SPTBN5: variants seen among roughly 807,000 people sequenced by gnomAD.
SPTBN5 encodes spectrin beta, non-erythrocytic 5.
SPTBN5 carries 513 observed loss-of-function variants against 477.6 expected under a neutral mutation model. That is an observed-to-expected ratio of 1.07 (90% confidence interval 1.00 to 1.16). The LOEUF (loss-of-function observed/expected upper bound fraction) is 1.16. Ranked by LOEUF, SPTBN5 falls within the 50% of genes most tolerant of loss-of-function variation. SPTBN5 has a pLI of 0.00. For missense variants in SPTBN5, 5,062 were observed against 4,731.8 expected, an observed-to-expected ratio of 1.07 and a Z score of -2.05; for synonymous variants, 2,169 against 2,011.7, an observed-to-expected ratio of 1.08 and a Z score of -2.09.
chr15:41,853,503 G>A (rs1433528358), intron 58 of SPTBN5, 56 bp from the exon 59 acceptor site: 29 of 1,538,612 alleles, frequency 1.9e-5, no homozygotes, highest in African/African-American at 2.7e-5. Context: ...AGGGGAGGGA[G>A]GGTCCAGCTC....
Position 41,855,209 on chromosome 15 carries a change from T to C in SPTBN5, c.9423+15A>G. 1 of 1,601,420 alleles carries C rather than the reference T, an allele frequency of 6.2e-7. No individual in the cohort carries two copies. Among genetic ancestry groups the C allele is most frequent in the Non-Finnish European group, 8.5e-7 (1 of 1,171,414 alleles). On this transcript the variant is annotated intron_variant, in intron 55 of 67. Coordinates refer to ENST00000320955, the MANE Select transcript of SPTBN5 (RefSeq NM_016642.4). ...TCTGCCCACTCCCCGTGAGGTTTGC[T>C]CAGGAGTAACTCACCTTGACACCCT...
rs1005795694 is a variant in SPTBN5 at position 41,862,770 on chromosome 15, C to A, written c.7263+20G>T. Reference sequence around the variant, plus strand: ...TACTCAGGAGATGCCCTGGGCCCAGCTCTACAGCCAGCTACGCACCTCCAC... The same window carrying A: ...TACTCAGGAGATGCCCTGGGCCCAGATCTACAGCCAGCTACGCACCTCCAC... On this transcript the variant is annotated intron_variant, in intron 42 of 67. Transcript: ENST00000320955. The A allele has an allele frequency of 3.2e-6, 5 of 1,554,392 alleles. No homozygotes were observed. Among genetic ancestry groups the A allele is most frequent in the Admixed American group, 1.9e-5 (1 of 51,838 alleles).
Position 41,871,458 on chromosome 15 carries a change from GGCCACCCGCTGGCT to G in SPTBN5, c.5350_5363del (p.Ser1784ArgfsTer166). 1 of 1,538,450 alleles carries G rather than the reference GGCCACCCGCTGGCT, an allele frequency of 6.5e-7. No individual in the cohort carries two copies. Among genetic ancestry groups the G allele is most frequent in the Non-Finnish European group, 8.8e-7 (1 of 1,140,824 alleles). On this transcript the variant is annotated frameshift_variant, in exon 29 of 68. Coordinates refer to ENST00000320955, the MANE Select transcript of SPTBN5 (RefSeq NM_016642.4). LOFTEE classifies it high-confidence loss of function. ...GGCTCTCCGCCAGCAGCCGGCAGGC[GGCCACCCGCTGGCT>G]GCCCATCTCCACTTGGTGCTGAAAC...
At chr15:41,885,185 G>A (rs1167410666) in intron 7 of SPTBN5, among the ~76,000 whole-genome samples, 2 of 152,106 alleles carry the variant, frequency 1.3e-5, no homozygotes, top group African/African-American at 4.8e-5. Flanking sequence ...CACCACGCCT[G>A]GCTAATTTTT....
At chr15:41,874,745 G>C in intron 23 of SPTBN5, 97 bp downstream of exon 23, 2 of 1,230,822 alleles carry the variant, frequency 1.6e-6, no homozygotes, top group East Asian at 2.5e-5. Flanking sequence ...TCATAAGGGA[G>C]GAGGTCTGGA....
At chr15:41,861,171 A>G (rs1319492654) in intron 46 of SPTBN5, among the ~76,000 whole-genome samples, 1 of 152,236 alleles carries the variant, frequency 6.6e-6, no homozygotes, top group African/African-American at 2.4e-5. Flanking sequence ...GGTGGCAAGA[A>G]TGGGTCAGGC....
intron 3 of SPTBN5, 23 bp from the exon 4 acceptor site, chr15:41,890,228 T>C (rs2067268927): frequency 1.9e-6 from 3 of 1,563,558 alleles, no homozygotes; most frequent in South Asian, 2.3e-5. Flanking sequence ...TTGGATGGGC[T>C]AAGCCATGAA....
rs2140912731 is a variant in SPTBN5 at position 41,853,381 on chromosome 15, A to G, written c.10047T>C (p.Ala3349=). The G allele has an allele frequency of 1.9e-6, 3 of 1,607,760 alleles. No homozygotes were observed. The East Asian group carries it at 6.7e-5, about 36-fold the overall frequency. ...SEELAEDVAG[A]EQLLGQHEEL... ...CTTCATGCTGCCCAAGGAGCTGCTC[A>G]GCCCCCGCCACGTCCTCAGCCAGCT... The change falls in exon 59 of 68, where the codon GCT becomes GCC. Residue 3349 remains alanine (A), a synonymous_variant. Transcript: ENST00000320955.
chr15:41,861,217 G>A (rs555283896), intron 46 of SPTBN5, among the ~76,000 whole-genome samples: 13 of 152,232 alleles, frequency 8.5e-5, no homozygotes, highest in Admixed American at 2.0e-4. Flanking sequence ...TGGTGTTCGC[G>A]GTGGGGCCTG....
At chr15:41,853,199 C>G in intron 59 of SPTBN5, 59 bp downstream of exon 59, 1 of 1,538,674 alleles carries the variant, frequency 6.5e-7, no homozygotes, top group Non-Finnish European at 8.8e-7. Context: ...GGCCCTGAGG[C>G]CCTGGGCAAT....
Position 41,860,660 on chromosome 15 carries a change from C to A in SPTBN5, c.7914G>T (p.Thr2638=), listed in dbSNP as rs750793938. 6 of 1,565,646 alleles carry A rather than the reference C, an allele frequency of 3.8e-6. No homozygotes were observed. Among genetic ancestry groups the A allele is most frequent in the Non-Finnish European group, 5.2e-6 (6 of 1,155,902 alleles). Residue 2638 remains threonine (T), a synonymous_variant, in exon 47 of 68, where the codon ACG becomes ACT. Coordinates refer to ENST00000320955, the MANE Select transcript of SPTBN5 (RefSeq NM_016642.4). Reference sequence around the variant, plus strand: ...GCCCACCCTGGTGCAGGCCGCGGGCCGTGGCCTCCAGAGCACTGATCTTTC... The same window carrying A: ...GCCCACCCTGGTGCAGGCCGCGGGCAGTGGCCTCCAGAGCACTGATCTTTC... ...QAGKISALEA[T]ARGLHQGGHP... is the part of the protein sequence containing the mutation.
rs747439250 is a variant in SPTBN5 at position 41,854,128 on chromosome 15, C to T, written c.9696G>A (p.Thr3232=). 28 of 1,591,340 alleles carry T rather than the reference C, an allele frequency of 1.8e-5. No individual in the cohort carries two copies. Among genetic ancestry groups the T allele is most frequent in the East Asian group, 6.9e-5 (3 of 43,666 alleles). Residue 3232 remains threonine (T), a synonymous_variant, in exon 57 of 68, where the codon ACG becomes ACA. Transcript: ENST00000320955. ...AELQGRMQEK[T]ALMKGEDGGH... ...CTCCGTCCTCCCCCTTCATCAGGGC[C>T]GTCTTCTCCTGCATCCTTCCCTGGA...
At position 41,893,045 on chromosome 15, in the gene SPTBN5, C is replaced by A. The variant is rs541485719; in HGVS notation, c.233G>T (p.Arg78Leu). Reference sequence around the variant, plus strand: ...GTCAGCCAGCTCTGTGTACAGGTTCCGGATCTTGATGCCCGCCTGGGGAGG... The same window carrying A: ...GTCAGCCAGCTCTGTGTACAGGTTCAGGATCTTGATGCCCGCCTGGGGAGG... Reference protein sequence around the residue: ...FQCGQAGIKIRNLYTELADGI... With the variant: ...FQCGQAGIKILNLYTELADGI... Residue 78 changes from arginine (R) to leucine (L), a missense_variant, in exon 3 of 68, where the codon CGG (arginine) becomes CTG (leucine). Coordinates refer to ENST00000320955, the MANE Select transcript of SPTBN5 (RefSeq NM_016642.4). 5 of 1,611,352 alleles carry A rather than the reference C, an allele frequency of 3.1e-6. No homozygotes were observed. Among genetic ancestry groups the A allele is most frequent in the Non-Finnish European group, 3.4e-6 (4 of 1,179,746 alleles).
chr15:41,864,452 T>G (rs145341310), intron 39 of SPTBN5, among the ~76,000 whole-genome samples: 91 of 152,328 alleles, frequency 6.0e-4, no homozygotes, highest in African/African-American at 2.2e-3. Context: ...TAGCTGGCAC[T>G]ACAGGTGCCT....
At position 41,867,518 on chromosome 15, in the gene SPTBN5, AG is replaced by A; in HGVS notation, c.6312+19del. 1.2e-6 allele frequency: 2 copies of A among 1,610,322 alleles called. No homozygotes were observed. Among genetic ancestry groups the A allele is most frequent in the Non-Finnish European group, 1.7e-6 (2 of 1,176,858 alleles). ...CAACCACCACACTCTGACCACGCCC[AG>A]GCCTCCTGACTCCATTACCTTCTTG... On this transcript the variant is annotated intron_variant, in intron 35 of 67. Coordinates refer to ENST00000320955, the MANE Select transcript of SPTBN5 (RefSeq NM_016642.4).
rs374155652 is a variant in SPTBN5 at position 41,855,373 on chromosome 15, G to C, written c.9274C>G (p.Arg3092Gly). 1 of 1,605,136 alleles carries C rather than the reference G, an allele frequency of 6.2e-7. No individual in the cohort carries two copies. The highest frequency in any genetic ancestry group is 1.7e-5 in the Admixed American group (1 of 59,994). The stretch of plus-strand genomic sequence containing the variant: ...CCGTGCCCCCTGGCCTCCGCCCTCC[G>C]CAGCAGCTCTGCGTGGGCCTCCCGA... ...AVREAHAELL[R>G]RAEARGHGLQ... is the part of the protein sequence containing the mutation. Residue 3092 changes from arginine to glycine, a missense_variant, in exon 55 of 68, where the codon CGG becomes GGG. Coordinates refer to ENST00000320955, the MANE Select transcript of SPTBN5 (RefSeq NM_016642.4).
chr15:41,848,719 G>T, intron 67 of SPTBN5, 91 bp from the exon 68 acceptor site: 1 of 1,454,608 alleles, frequency 6.9e-7, no homozygotes, highest in Non-Finnish European at 9.7e-7. Context: ...CCCTCCCCTG[G>T]ACCAGCCAGC....
rs768692793 is a variant in SPTBN5, at chr15:41,867,584, C to T, written c.6266G>A (p.Arg2089His). Reference sequence around the variant, plus strand: ...AACCTTCAGGAAGACCTCGTGCTTGCGAATCAACTGCTCTACCTCTTCCAC... The same window carrying T: ...AACCTTCAGGAAGACCTCGTGCTTGTGAATCAACTGCTCTACCTCTTCCAC... Reference protein sequence around the residue: ...SSVEEVEQLIRKHEVFLKVLT... With the variant: ...SSVEEVEQLIHKHEVFLKVLT... Residue 2089 changes from arginine to histidine, a missense_variant, in exon 35 of 68, where the codon CGC (arginine) becomes CAC (histidine). Coordinates refer to ENST00000320955, the MANE Select transcript of SPTBN5 (RefSeq NM_016642.4). 52 of 1,613,830 alleles carry T rather than the reference C, an allele frequency of 3.2e-5. No homozygotes were observed. Among genetic ancestry groups the T allele is most frequent in the Middle Eastern group, 1.6e-4 (1 of 6,062 alleles).
Position 41,852,318 on chromosome 15 carries a change from T to C in SPTBN5, c.10450-2A>G. Reference sequence around the variant, plus strand: ...CTGCAGCAGGAGCTCCTGTTCCATCTTGGGGAGTGGGCAAGGTGGGCAAGG... The same window carrying C: ...CTGCAGCAGGAGCTCCTGTTCCATCCTGGGGAGTGGGCAAGGTGGGCAAGG... On this transcript the variant is annotated splice_acceptor_variant, in intron 61 of 67. Transcript: ENST00000320955. LOFTEE classifies it high-confidence loss of function. 1.9e-6 allele frequency: 3 copies of C among 1,576,630 alleles called. No individual in the cohort carries two copies. The highest frequency in any genetic ancestry group is 2.6e-6 in the Non-Finnish European group (3 of 1,159,508).
Sources: allele counts gnomAD v4.1 joint callset (sites outside exome capture counted in the v4.1 genomes callset), GRCh38; gene constraint gnomAD v4.1.1; transcripts MANE v1.5; gene names NCBI Gene and HGNC (gene_info 2026-07-23, HGNC 2026-07-21).